The following SHISA8 variants were observed in gnomAD, a reference collection of about 807,000 sequenced individuals.
The protein encoded by SHISA8 is shisa family member 8, also known as protein shisa-8.
A neutral mutation model predicts 21.1 loss-of-function variants in SHISA8; 21 were observed. The ratio of observed to expected loss-of-function variants is 0.99; its 90% CI spans 0.71 to 1.43. The LOEUF is 1.43. Ranked by LOEUF, SHISA8 falls within the 40% of genes most tolerant of loss-of-function variation. The pLI, the probability that SHISA8 is intolerant of heterozygous loss-of-function variation, is 0.00. For synonymous variants in SHISA8, 300 were observed against 291.4 expected (o/e 1.03, Z -0.30); for missense variants, 535 against 599.1 (o/e 0.89, Z 1.12).
chr22:41,911,199 G>A lies in SHISA8; in HGVS notation c.664+17C>T. 1.6e-6 allele frequency: 2 copies of A among 1,268,360 alleles called. No individual in the cohort carries two copies. The highest frequency in any genetic ancestry group is 2.0e-6 in the Non-Finnish European group (2 of 1,009,276). The allele number at this position is 1,268,360 out of a possible 1,614,324, so 78.6% of individuals were successfully genotyped here. A position where few individuals can be genotyped will look rare whatever the true frequency, so the allele number is the denominator to read the frequency against. Reference sequence around the variant, plus strand: ...GCGTGCTCCGCCGCCGCTCAGCCCCGCCCGCCACCGACTCACCTGCGCTGT... The same window carrying A: ...GCGTGCTCCGCCGCCGCTCAGCCCCACCCGCCACCGACTCACCTGCGCTGT... On this transcript the variant is annotated intron_variant, in intron 2 of 3. Transcript: ENST00000621082.
chr22:41,911,174 G>A (rs2077550775), intron 2 of SHISA8, 42 bp downstream of exon 2: 6 of 1,256,736 alleles, frequency 4.8e-6, no homozygotes, highest in South Asian at 3.2e-5. Context: ...ACGCCCCTCC[G>A]CGTGCTCCGC....
intron 1 of SHISA8, among the ~76,000 whole-genome samples, chr22:41,913,241 C>T (rs187476169): frequency 1.3e-5 from 2 of 152,396 alleles, no homozygotes; most frequent in Admixed American, 1.3e-4. Context: ...ATCTGGCCTG[C>T]CAGGGTATGA....
Position 41,911,227 on chromosome 22 carries a change from TG to T in SHISA8, c.652del (p.His218ThrfsTer33), listed in dbSNP as rs1569417307. On this transcript the variant is annotated frameshift_variant, in exon 2 of 4. Transcript: ENST00000621082. LOFTEE classifies it high-confidence loss of function. ...MGDGLPRGSP[H>X]NSADKKRLNN... is the part of the protein sequence containing the mutation. The stretch of plus-strand genomic sequence containing the variant: ...CGCCACCGACTCACCTGCGCTGTTG[TG>T]GGGGGAGCCCCGGGGGAGGCCGTCC... 11 of 1,282,944 alleles carry T rather than the reference TG, an allele frequency of 8.6e-6. No homozygotes were observed. The highest frequency in any genetic ancestry group is 3.1e-5 in the East Asian group (1 of 32,122). The allele number at this position is 1,282,944 out of a possible 1,614,324, so 79.5% of individuals were successfully genotyped here. A position where few individuals can be genotyped will look rare whatever the true frequency, so the allele number is the denominator to read the frequency against.
Position 41,910,511 on chromosome 22 carries a change from C to T in SHISA8, c.708G>A (p.Pro236=), listed in dbSNP as rs1214553885. The part of the protein sequence containing the change: ...LNNAPRGSAA[P]GPPRGPRLQG... ...GCAGCCGCGGGCCGCGCGGGGGCCC[C>T]GGGGCGGCCGACCCCCGGGGCGCGT... The change falls in exon 3 of 4, where the codon CCG becomes CCA. Residue 236 remains proline (P), a synonymous_variant. Coordinates refer to ENST00000621082, the MANE Select transcript of SHISA8 (RefSeq NM_001207020.3). This position sits in a 1 kb window ranked among gnomAD's most constrained non-coding sequence, Gnocchi z 6.8. 4.8e-6 allele frequency: 6 copies of T among 1,253,564 alleles called. No homozygotes were observed. The highest frequency in any genetic ancestry group is 6.0e-6 in the Non-Finnish European group (6 of 1,005,494). The allele number at this position is 1,253,564 out of a possible 1,614,324, so 77.7% of individuals were successfully genotyped here.
intron 1 of SHISA8, among the ~76,000 whole-genome samples, chr22:41,912,906 C>T (rs1185035691): frequency 1.3e-5 from 2 of 152,254 alleles, no homozygotes; most frequent in Non-Finnish European, 2.9e-5. Flanking sequence ...AGCCACCCCT[C>T]ACCATCGCAG....
chr22:41,914,178 C>G lies in SHISA8; in HGVS notation c.490G>C (p.Glu164Gln), dbSNP rs2077569534. 6.1e-6 allele frequency: 9 copies of G among 1,465,198 alleles called. No homozygotes were observed. Among genetic ancestry groups the G allele is most frequent in the African/African-American group, 1.5e-5 (1 of 67,442 alleles). The allele number at this position is 1,465,198 out of a possible 1,614,324, so 90.8% of individuals were successfully genotyped here. The change falls in exon 1 of 4, where the codon GAG becomes CAG. Residue 164 changes from glutamate to glutamine, a missense_variant. Transcript: ENST00000621082. This position sits in a 1 kb window ranked among gnomAD's most constrained non-coding sequence, Gnocchi z 6.8. The stretch of plus-strand genomic sequence containing the variant: ...CGCGCGCGCGGGCTGTGCGCCCTCT[C>G]CAGTCCCAGGCGCGCCCCGATGCCG... ...LAGIGARLGL[E>Q]RAHSPRARRT...
Position 41,910,489 on chromosome 22 carries a change from G to A in SHISA8, c.730C>T (p.Leu244=). 1 of 1,262,672 alleles carries A rather than the reference G, an allele frequency of 7.9e-7. No homozygotes were observed. The highest frequency in any genetic ancestry group is 9.9e-7 in the Non-Finnish European group (1 of 1,011,460). The allele number at this position is 1,262,672 out of a possible 1,614,324, so 78.2% of individuals were successfully genotyped here. ...AAPGPPRGPR[L]QGGGSLTLQP... The stretch of plus-strand genomic sequence containing the variant: ...AGCGTCAGGCTGCCGCCGCCCTGCA[G>A]CCGCGGGCCGCGCGGGGGCCCCGGG... Residue 244 remains leucine (L), a synonymous_variant, in exon 3 of 4, where the codon CTG becomes TTG. Transcript: ENST00000621082. This position sits in a 1 kb window ranked among gnomAD's most constrained non-coding sequence, Gnocchi z 6.8.
Position 41,914,125 on chromosome 22 carries a change from G to T in SHISA8, c.530+13C>A. On this transcript the variant is annotated intron_variant, in intron 1 of 3. Transcript: ENST00000621082. This position sits in a 1 kb window ranked among gnomAD's most constrained non-coding sequence, Gnocchi z 6.8. ...GAGGAGCAGGCGGGGGTCCCTGGGC[G>T]GCGCGTGCTCACCTGGTCACTGTGC... is the stretch of plus-strand genomic sequence containing the variant. The T allele has an allele frequency of 7.2e-7, 1 of 1,392,036 alleles. No individual in the cohort carries two copies. The highest frequency in any genetic ancestry group is 9.2e-7 in the Non-Finnish European group (1 of 1,082,872). The allele number at this position is 1,392,036 out of a possible 1,614,324, so 86.2% of individuals were successfully genotyped here.
Position 41,910,367 on chromosome 22 carries a change from TGCGCCCAGG to T in SHISA8, c.811+32_811+40del, listed in dbSNP as rs2077541081. 2 of 942,060 alleles carry T rather than the reference TGCGCCCAGG, an allele frequency of 2.1e-6. No homozygotes were observed. Among genetic ancestry groups the T allele is most frequent in the Admixed American group, 1.8e-4 (2 of 11,252 alleles). The allele number at this position is 942,060 out of a possible 1,614,324, so 58.4% of individuals were successfully genotyped here. ...CCGCGCTTCGCAGTCCGGGAGCTCG[TGCGCCCAGG>T]TGCCCTGACGCTGCCCGCACCCGCC... On this transcript the variant is annotated intron_variant, in intron 3 of 3. Transcript: ENST00000621082. The surrounding 1 kb of genome is among the most constrained non-coding windows in gnomAD (Gnocchi z 6.8).
In SHISA8 at chr22:41,910,628, T is replaced by C. The variant is rs2146574039; in HGVS notation, c.665-74A>G. 8.3e-7 allele frequency: 1 copy of C among 1,209,226 alleles called. No homozygotes were observed. Among genetic ancestry groups the C allele is most frequent in the South Asian group, 4.2e-5 (1 of 23,688 alleles). The allele number at this position is 1,209,226 out of a possible 1,614,324, so 74.9% of individuals were successfully genotyped here. A position where few individuals can be genotyped will look rare whatever the true frequency, so the allele number is the denominator to read the frequency against. ...CGCCCTCGCTGTCACCTCTCCGTAG[T>C]CCTCTCCCCGAGGCCGTTCGGTGAG... On this transcript the variant is annotated intron_variant, in intron 2 of 3. Coordinates refer to ENST00000621082, the MANE Select transcript of SHISA8 (RefSeq NM_001207020.3). This position sits in a 1 kb window ranked among gnomAD's most constrained non-coding sequence, Gnocchi z 6.8.
At position 41,910,071 on chromosome 22, in the gene SHISA8, C is replaced by A; in HGVS notation, c.888G>T (p.Pro296=). 1 of 1,240,458 alleles carries A rather than the reference C, an allele frequency of 8.1e-7. No homozygotes were observed. The highest frequency in any genetic ancestry group is 4.3e-5 in the Admixed American group (1 of 23,494). The allele number at this position is 1,240,458 out of a possible 1,614,324, so 76.8% of individuals were successfully genotyped here. ...PSPRQPPARA[P]RPSPDLPAPL... ...GCGCAGGCAAGTCCGGGGATGGTCG[C>A]GGAGCCCGCGCCGGGGGTTGCCGCG... The change falls in exon 4 of 4, where the codon CCG becomes CCT. Residue 296 remains proline (P), a synonymous_variant. Coordinates refer to ENST00000621082, the MANE Select transcript of SHISA8 (RefSeq NM_001207020.3). The surrounding 1 kb of genome is among the most constrained non-coding windows in gnomAD (Gnocchi z 6.8).
chr22:41,914,164 G>A lies in SHISA8; in HGVS notation c.504C>T (p.Ser168=). 2.1e-6 allele frequency: 3 copies of A among 1,452,182 alleles called. No homozygotes were observed. Among genetic ancestry groups the A allele is most frequent in the Non-Finnish European group, 1.8e-6 (2 of 1,112,860 alleles). The allele number at this position is 1,452,182 out of a possible 1,614,324, so 90.0% of individuals were successfully genotyped here. A position where few individuals can be genotyped will look rare whatever the true frequency, so the allele number is the denominator to read the frequency against. ...TGGTCACTGTGCGCCGCGCGCGCGG[G>A]CTGTGCGCCCTCTCCAGTCCCAGGC... ...GARLGLERAH[S]PRARRTVTRA... is the part of the protein sequence containing the mutation. The change falls in exon 1 of 4, where the codon AGC becomes AGT. Residue 168 remains serine, a synonymous_variant. Transcript: ENST00000621082. This position sits in a 1 kb window ranked among gnomAD's most constrained non-coding sequence, Gnocchi z 6.8.
Position 41,914,496 on chromosome 22 carries a change from C to A in SHISA8, c.172G>T (p.Asp58Tyr). ...ACGTCGTAGTAGCCGCGGCAGCGGT[C>A]GCCCCCCTCCGGGGCTGTCGTGCCG... ...APGTTAPEGGDRCRGYYDVMG... is the reference protein window; with the variant it reads ...APGTTAPEGGYRCRGYYDVMG... Residue 58 changes from aspartate (D) to tyrosine (Y), a missense_variant, in exon 1 of 4, where the codon GAC becomes TAC. Asp to Tyr is a radical substitution (Grantham distance 160). Coordinates refer to ENST00000621082, the MANE Select transcript of SHISA8 (RefSeq NM_001207020.3). This position sits in a 1 kb window ranked among gnomAD's most constrained non-coding sequence, Gnocchi z 6.8. 1.6e-6 allele frequency: 2 copies of A among 1,282,112 alleles called. No homozygotes were observed. The highest frequency in any genetic ancestry group is 5.1e-5 in the South Asian group (2 of 39,542). 79.4% of individuals were successfully genotyped at this position (1,282,112 alleles called of 1,614,324 possible).
At position 41,909,936 on chromosome 22, in the gene SHISA8, G is replaced by A. The variant is rs544943689; in HGVS notation, c.1023C>T (p.His341=). The change falls in exon 4 of 4, where the codon CAC becomes CAT. Residue 341 remains histidine (H), a synonymous_variant. Coordinates refer to ENST00000621082, the MANE Select transcript of SHISA8 (RefSeq NM_001207020.3). ...GTACCTGGAAGGCCCGAGCCGTCGG[G>A]TGGCTGAGCGGGGCGGGCCGGGCCG... The part of the protein sequence containing the change: ...SRPARPAPLS[H]PTARAFQVPR... 4.4e-4 allele frequency: 664 copies of A among 1,519,102 alleles called. 2 individuals carry two copies. The Middle Eastern group carries it at 5.0e-3, about 11-fold the overall frequency. The allele number at this position is 1,519,102 out of a possible 1,614,324, so 94.1% of individuals were successfully genotyped here.
intron 1 of SHISA8, among the ~76,000 whole-genome samples, chr22:41,913,518 G>A (rs2077564798): frequency 6.6e-6 from 1 of 152,360 alleles, no homozygotes; most frequent in Admixed American, 6.5e-5. Context: ...AATGCAACAA[G>A]CACCTGTCCT....
In SHISA8 at chr22:41,909,747, G is replaced by C; in HGVS notation, c.*18C>G. The C allele has an allele frequency of 7.0e-7, 1 of 1,430,228 alleles. No homozygotes were observed. The highest frequency in any genetic ancestry group is 9.2e-7 in the Non-Finnish European group (1 of 1,089,756). 88.6% of individuals were successfully genotyped at this position (1,430,228 alleles called of 1,614,324 possible). A position where few individuals can be genotyped will look rare whatever the true frequency, so the allele number is the denominator to read the frequency against. ...GACAGGACCCCAGCCCATGCCTCGA[G>C]GGCACCGCGGCCCCGCTTCACACGG... is the stretch of plus-strand genomic sequence containing the variant. On this transcript the variant is annotated 3_prime_UTR_variant, in exon 4 of 4. Transcript: ENST00000621082.
intron 1 of SHISA8, among the ~76,000 whole-genome samples, chr22:41,911,892 G>A (rs1043461436): frequency 3.9e-5 from 6 of 152,306 alleles, no homozygotes; most frequent in Non-Finnish European, 8.8e-5. Context: ...ATTATAAGGT[G>A]CCTGCCACCA....
Position 41,911,232 on chromosome 22 carries a change from G to A in SHISA8, c.648C>T (p.Ser216=). 7.8e-7 allele frequency: 1 copy of A among 1,282,830 alleles called. No individual in the cohort carries two copies. Among genetic ancestry groups the A allele is most frequent in the Non-Finnish European group, 9.8e-7 (1 of 1,015,564 alleles). The allele number at this position is 1,282,830 out of a possible 1,614,324, so 79.5% of individuals were successfully genotyped here. A position where few individuals can be genotyped will look rare whatever the true frequency, so the allele number is the denominator to read the frequency against. The change falls in exon 2 of 4, where the codon TCC becomes TCT. Residue 216 remains serine (S), a synonymous_variant. Coordinates refer to ENST00000621082, the MANE Select transcript of SHISA8 (RefSeq NM_001207020.3). ...VQMGDGLPRG[S]PHNSADKKRL... ...CCGACTCACCTGCGCTGTTGTGGGG[G>A]GAGCCCCGGGGGAGGCCGTCCCCCA...
Position 41,909,658 on chromosome 22 carries a change from C to T in SHISA8, c.*107G>A. ...CTCCAAGACACCACTGCCGTTGAGG[C>T]AGACAGAAGAGCTGGCCTTACGGCA... On this transcript the variant is annotated 3_prime_UTR_variant, in exon 4 of 4. Coordinates refer to ENST00000621082, the MANE Select transcript of SHISA8 (RefSeq NM_001207020.3). The T allele has an allele frequency of 7.6e-7, 1 of 1,317,930 alleles. No homozygotes were observed. Among genetic ancestry groups the T allele is most frequent in the Non-Finnish European group, 9.7e-7 (1 of 1,033,118 alleles). 81.6% of individuals were successfully genotyped at this position (1,317,930 alleles called of 1,614,324 possible).
Sources: gnomAD v4.1 joint callset for allele counts (sites outside exome capture counted in the v4.1 genomes callset) on GRCh38, gnomAD v4.1.1 for gene constraint, Gnocchi (gnomAD v3.1) non-coding constraint, MANE v1.5 for transcripts, NCBI Gene and HGNC (gene_info 2026-07-23, HGNC 2026-07-21) for gene names.